The following PTPRT variants were observed in gnomAD, a reference collection of about 807,000 sequenced individuals.
The protein encoded by PTPRT is receptor-type tyrosine-protein phosphatase T.
In PTPRT, 56 loss-of-function variants were observed where a neutral mutation model predicts 176.8. That is an observed-to-expected ratio of 0.32 (90% CI 0.26 to 0.40). PTPRT has a LOEUF of 0.40. Among genes scored for constraint, PTPRT ranks in the 10% least tolerant of loss-of-function variants. The pLI is 1.00. For missense variants in PTPRT, 1,540 were observed against 1,908.2 expected, an observed-to-expected ratio of 0.81 and a Z score of 3.60; for synonymous variants, 783 against 739.0, an observed-to-expected ratio of 1.06 and a Z score of -0.96.
At chr20:42,885,714 G>A in intron 2 of PTPRT, 93 bp downstream of exon 2, 1 of 1,482,098 alleles carries the variant, frequency 6.7e-7, no homozygotes, top group Non-Finnish European at 9.1e-7. Context: ...TGCCATCTCA[G>A]AGAGCTCAAT....
chr20:42,422,743 G>A lies in PTPRT; in HGVS notation c.1560+25477C>T, dbSNP rs6130128. ...AAAACATTCTATTATAAAGACACAC[G>A]CATGTAGATGTTCATTGTAGCACTA... On this transcript the variant is annotated intron_variant, in intron 9 of 30. Coordinates refer to ENST00000373187, the MANE Select transcript of PTPRT (RefSeq NM_007050.6). Among the ~76,000 whole-genome samples the A allele has an allele frequency of 3.0e-3, 458 of 152,210 alleles. 24 individuals are homozygous for A. The East Asian group carries it at 0.08, about 27-fold the overall frequency.
At chr20:42,387,792 CTTT>C (rs773081937) in intron 9 of PTPRT, among the ~76,000 whole-genome samples, 8 of 135,862 alleles carry the variant, frequency 5.9e-5, no homozygotes, top group Admixed American at 7.4e-5. Context: ...TGCTAATATT[CTTT>C]TTTTTTTTTT....
At chr20:42,495,630 C>T (rs563739220) in intron 7 of PTPRT, among the ~76,000 whole-genome samples, 45 of 152,232 alleles carry the variant, frequency 3.0e-4, no homozygotes, top group African/African-American at 9.6e-4. Context: ...TCTCAGCGCT[C>T]CCTTGAGGAA....
the PTPRT span, among the ~76,000 whole-genome samples, chr20:42,059,082 G>A: frequency 2.0e-5 from 3 of 152,166 alleles, no homozygotes; most frequent in Admixed American, 6.5e-5. Flanking sequence ...GCTGCAGAGT[G>A]AGAAGTGGGA....
In PTPRT at chr20:42,456,400, A is replaced by G. The variant is rs145595068; in HGVS notation, c.1451-8071T>C. On this transcript the variant is annotated intron_variant, in intron 8 of 30. Transcript: ENST00000373187. Reference sequence around the variant, plus strand: ...CTTATCTTCAATGATAGCCACCAATACAGTCTTTAATAGAAATGATGATAT... The same window carrying G: ...CTTATCTTCAATGATAGCCACCAATGCAGTCTTTAATAGAAATGATGATAT... 8.7e-3 allele frequency among the ~76,000 whole-genome samples: 1,327 copies of G among 152,164 alleles called. 11 individuals carry two copies. The highest frequency in any genetic ancestry group is 0.014 in the Middle Eastern group (4 of 294).
intron 2 of PTPRT, among the ~76,000 whole-genome samples, chr20:42,802,831 C>T (rs982435118): frequency 6.6e-6 from 1 of 152,224 alleles, no homozygotes; most frequent in African/African-American, 2.4e-5. Flanking sequence ...CAGCTCTCAG[C>T]TGTGTGGCCT....
chr20:43,143,257 T>A (rs1168319257), intron 1 of PTPRT, among the ~76,000 whole-genome samples: 1 of 152,206 alleles, frequency 6.6e-6, no homozygotes, highest in African/African-American at 2.4e-5. Context: ...ATTTCTGCTA[T>A]CCCTCTCCCT....
At chr20:42,869,568 G>T (rs755064650) in intron 2 of PTPRT, among the ~76,000 whole-genome samples, 53 of 151,962 alleles carry the variant, frequency 3.5e-4, no homozygotes, top group Non-Finnish European at 5.7e-4. Context: ...TCCCAACATT[G>T]TATTTTGGAA....
intron 7 of PTPRT, among the ~76,000 whole-genome samples, chr20:42,486,382 A>G (rs989582325): frequency 6.6e-6 from 1 of 152,074 alleles, no homozygotes; most frequent in Non-Finnish European, 1.5e-5. Flanking sequence ...TCCACTTTCC[A>G]TCTTCCTCCA....
intron 11 of PTPRT, among the ~76,000 whole-genome samples, chr20:42,339,000 C>A (rs1315693122): frequency 1.3e-5 from 2 of 152,150 alleles, no homozygotes; most frequent in Non-Finnish European, 2.9e-5. Context: ...CAGATTCCAA[C>A]CCAGCTGAGT....
At chr20:42,176,969 A>G (rs1341980867) in intron 16 of PTPRT, among the ~76,000 whole-genome samples, 1 of 152,232 alleles carries the variant, frequency 6.6e-6, no homozygotes, top group African/African-American at 2.4e-5. Flanking sequence ...CTACAAAGAC[A>G]ACGGGACATT....
At chr20:42,179,165 G>A (rs919343714) in intron 16 of PTPRT, among the ~76,000 whole-genome samples, 2 of 152,120 alleles carry the variant, frequency 1.3e-5, no homozygotes, top group African/African-American at 2.4e-5. Flanking sequence ...AGGTAATGTC[G>A]ATGAAAGAAC....
At chr20:42,403,945 C>G (rs972743826) in intron 9 of PTPRT, among the ~76,000 whole-genome samples, 3 of 152,138 alleles carry the variant, frequency 2.0e-5, no homozygotes, top group African/African-American at 7.2e-5. Context: ...TCTAGGCCCT[C>G]TGGGATTTTG....
At chr20:42,204,949 T>G (rs1489707919) in intron 15 of PTPRT, among the ~76,000 whole-genome samples, 1 of 151,530 alleles carries the variant, frequency 6.6e-6, no homozygotes, top group Non-Finnish European at 1.5e-5. Context: ...GAGGACCAGG[T>G]TGGCTTGATA....
At chr20:43,040,372 C>T (rs6030619) in intron 1 of PTPRT, among the ~76,000 whole-genome samples, 120 of 152,278 alleles carry the variant, frequency 7.9e-4, no homozygotes, top group African/African-American at 2.8e-3. Flanking sequence ...ATAACTCACA[C>T]AGCCAATATG....
At chr20:42,710,161 A>G (rs1318785478) in intron 6 of PTPRT, among the ~76,000 whole-genome samples, 1 of 152,168 alleles carries the variant, frequency 6.6e-6, no homozygotes. Context: ...TATGGGAGAG[A>G]AAGAAAGAAC....
intron 9 of PTPRT, among the ~76,000 whole-genome samples, chr20:42,355,914 C>G (rs2058352228): frequency 6.6e-6 from 1 of 152,188 alleles, no homozygotes; most frequent in African/African-American, 2.4e-5. Context: ...ATACCGCGCT[C>G]TTCTGCTCTC....
intron 9 of PTPRT, among the ~76,000 whole-genome samples, chr20:42,383,225 G>A (rs1316200666): frequency 2.6e-5 from 4 of 152,134 alleles, no homozygotes; most frequent in Non-Finnish European, 4.4e-5. Context: ...GTGGAGTTAT[G>A]GAATACAGGT....
At chr20:42,242,005 TA>T (rs2056363688) in intron 14 of PTPRT, among the ~76,000 whole-genome samples, 1 of 152,222 alleles carries the variant, frequency 6.6e-6, no homozygotes, top group Non-Finnish European at 1.5e-5. Flanking sequence ...GTAATTTCCT[TA>T]AACTCTATTT....
Sources: gnomAD v4.1 joint callset for allele counts (sites outside exome capture counted in the v4.1 genomes callset) on GRCh38, gnomAD v4.1.1 for gene constraint, MANE v1.5 for transcripts, NCBI Gene and HGNC (gene_info 2026-07-23, HGNC 2026-07-21) for gene names.